Variants in VEGFC observed in about 807,000 individuals in gnomAD.
VEGFC encodes FLT4 ligand DHM.
In VEGFC, 12 loss-of-function variants were observed where a neutral mutation model predicts 46.1. The ratio of observed to expected loss-of-function variants is 0.26; its 90% CI spans 0.17 to 0.42. The LOEUF is 0.42. Ranked by LOEUF, VEGFC falls within the 10% of genes least tolerant of loss-of-function variation. The pLI, the probability that VEGFC is intolerant of heterozygous loss-of-function variation, is 1.00. For missense variants in VEGFC, 488 were observed against 529.4 expected (o/e 0.92, Z 0.77); for synonymous variants, 232 against 195.5 (o/e 1.19, Z -1.56).
intron 4 of VEGFC, among the ~76,000 whole-genome samples, chr4:176,707,415 G>A (rs1326798594): frequency 6.6e-6 from 1 of 152,066 alleles, no homozygotes; most frequent in African/African-American, 2.4e-5. Context: ...ATAGTCACAT[G>A]TCCATCATAT....
rs548921728 is a variant in VEGFC, at chr4:176,737,377, C to T, written c.148-7631G>A. ...ATTATAAATATAGCATATTTTCCAA[C>T]AAACGTTATAATATAATCTCTTTTT... is the stretch of plus-strand genomic sequence containing the variant. On this transcript the variant is annotated intron_variant, in intron 1 of 6. Transcript: ENST00000618562. Among the ~76,000 whole-genome samples, 3 of 144,106 alleles carry T rather than the reference C, an allele frequency of 2.1e-5. No individual in the cohort carries two copies. The Admixed American group carries it at 2.1e-4, about 10-fold the overall frequency. 94.5% of individuals were successfully genotyped at this position (144,106 alleles called of 152,430 possible). A position where few individuals can be genotyped will look rare whatever the true frequency, so the allele number is the denominator to read the frequency against.
At chr4:176,775,259 A>C (rs932547941) in intron 1 of VEGFC, among the ~76,000 whole-genome samples, 2 of 152,230 alleles carry the variant, frequency 1.3e-5, no homozygotes, top group Non-Finnish European at 2.9e-5. Flanking sequence ...ACTGAGAAAA[A>C]AAAAGTAATG....
chr4:176,782,753 T>TA (rs1282784745), intron 1 of VEGFC, among the ~76,000 whole-genome samples: 7 of 152,174 alleles, frequency 4.6e-5, no homozygotes, highest in Admixed American at 2.0e-4. Flanking sequence ...TTAATGTACT[T>TA]ACATACTACC....
At chr4:176,725,083 T>C (rs1579107524) in intron 3 of VEGFC, among the ~76,000 whole-genome samples, 1 of 152,158 alleles carries the variant, frequency 6.6e-6, no homozygotes, top group African/African-American at 2.4e-5. Flanking sequence ...TTGTTCCCAA[T>C]AGAAAGAAAA....
intron 3 of VEGFC, among the ~76,000 whole-genome samples, chr4:176,720,830 T>G (rs1397620041): frequency 4.6e-5 from 5 of 108,882 alleles, no homozygotes; most frequent in Admixed American, 1.3e-4. Context: ...GCAACAAGAG[T>G]GAGACTCCAT....
At chr4:176,744,332 C>T (rs1735224809) in intron 1 of VEGFC, among the ~76,000 whole-genome samples, 1 of 151,884 alleles carries the variant, frequency 6.6e-6, no homozygotes, top group African/African-American at 2.4e-5. Context: ...GAATTCAGGG[C>T]AGCAGGTACA....
chr4:176,741,099 G>A (rs1735166257), intron 1 of VEGFC, among the ~76,000 whole-genome samples: 1 of 151,870 alleles, frequency 6.6e-6, no homozygotes, highest in Admixed American at 6.6e-5. Flanking sequence ...GTTGCCACAT[G>A]GAAGAGTCCA....
chr4:176,683,904 T>A lies in VEGFC; in HGVS notation c.*22A>T, dbSNP rs763916413. 6.3e-7 allele frequency: 1 copy of A among 1,589,250 alleles called. No individual in the cohort carries two copies. Among genetic ancestry groups the A allele is most frequent in the Admixed American group, 1.7e-5 (1 of 59,982 alleles). On this transcript the variant is annotated 3_prime_UTR_variant, in exon 7 of 7. Transcript: ENST00000618562. ...ACAGTTTTCCATAATAGAAAATCGATGAACTGGAAAACAGTACAATCTTAG... is the reference window on the plus strand; with the variant it reads ...ACAGTTTTCCATAATAGAAAATCGAAGAACTGGAAAACAGTACAATCTTAG...
chr4:176,777,530 A>C (rs967582728), intron 1 of VEGFC, among the ~76,000 whole-genome samples: 4 of 152,214 alleles, frequency 2.6e-5, no homozygotes, highest in African/African-American at 9.6e-5. Flanking sequence ...TGTTTTCCTC[A>C]GATTTTATAT....
At chr4:176,790,370 C>T (rs755431998) in intron 1 of VEGFC, among the ~76,000 whole-genome samples, 37 of 152,088 alleles carry the variant, frequency 2.4e-4, no homozygotes, top group Non-Finnish European at 4.4e-4. Flanking sequence ...ATATGAAAAG[C>T]GACATTTGCA....
chr4:176,694,330 C>A (rs1158375515), intron 4 of VEGFC, among the ~76,000 whole-genome samples: 1 of 151,986 alleles, frequency 6.6e-6, no homozygotes, highest in East Asian at 1.9e-4. Context: ...GGTTGTAATC[C>A]TAGTCTCTGA....
chr4:176,740,277 CTATATAGAGTA>C (rs1735143683), intron 1 of VEGFC, among the ~76,000 whole-genome samples: 1 of 114,034 alleles, frequency 8.8e-6, no homozygotes, highest in Non-Finnish European at 1.7e-5. Context: ...TATATATTCT[CTATATAGAGTA>C]TATATCTATA....
chr4:176,718,154 T>G (rs1213409522), intron 3 of VEGFC, among the ~76,000 whole-genome samples: 3 of 152,122 alleles, frequency 2.0e-5, no homozygotes, highest in Non-Finnish European at 4.4e-5. Context: ...ATGTTATTCT[T>G]AAAGAAAGTT....
At chr4:176,692,896 A>T (rs935012973) in intron 4 of VEGFC, among the ~76,000 whole-genome samples, 10 of 147,260 alleles carry the variant, frequency 6.8e-5, no homozygotes, top group South Asian at 2.1e-4. Flanking sequence ...GGGTATTCCA[A>T]CAGACCTGCA....
intron 1 of VEGFC, among the ~76,000 whole-genome samples, chr4:176,773,483 A>C (rs776459311): frequency 6.6e-6 from 1 of 152,256 alleles, no homozygotes; most frequent in Non-Finnish European, 1.5e-5. Context: ...AACTTATTTT[A>C]CAATTTGATC....
At position 176,687,807 on chromosome 4, in the gene VEGFC, A is replaced by G. The variant is rs1030905543; in HGVS notation, c.811+14T>C. The G allele has an allele frequency of 2.5e-6, 4 of 1,586,300 alleles. No homozygotes were observed. Among genetic ancestry groups the G allele is most frequent in the Admixed American group, 3.4e-5 (2 of 58,884 alleles). The stretch of plus-strand genomic sequence containing the variant: ...ACCCCTGGCGTTTAGTCTTTAAAGC[A>G]TCATTCTGCTTACCATCTCCAGCAT... On this transcript the variant is annotated intron_variant, in intron 5 of 6. Transcript: ENST00000618562.
intron 1 of VEGFC, among the ~76,000 whole-genome samples, chr4:176,765,087 T>C (rs902424582): frequency 6.6e-6 from 1 of 152,098 alleles, no homozygotes; most frequent in African/African-American, 2.4e-5. Flanking sequence ...CTAGTATGTT[T>C]GAGAAAACAG....
intron 1 of VEGFC, among the ~76,000 whole-genome samples, chr4:176,760,936 T>C (rs750425994): frequency 7.2e-5 from 11 of 152,158 alleles, no homozygotes; most frequent in Non-Finnish European, 1.0e-4. Flanking sequence ...CATGGCAAAA[T>C]CATACATAGG....
Position 176,687,277 on chromosome 4 carries a change from G to A in VEGFC, c.1055C>T (p.Pro352Leu), listed in dbSNP as rs1474453574. ...ACAGGCACATTTTCCAGGATTTAGG[G>A]GTTGATTTCTGGGGCAGGTTCTTTT... ...VCKRTCPRNQ[P>L]LNPGKCACEC... The change falls in exon 6 of 7, where the codon CCC (proline) becomes CTC (leucine). Residue 352 changes from proline to leucine, a missense_variant. Physicochemically the swap from Pro to Leu is moderately conservative, Grantham distance 98 (BLOSUM62 -3). Coordinates refer to ENST00000618562, the MANE Select transcript of VEGFC (RefSeq NM_005429.5). 3 of 1,613,946 alleles carry A rather than the reference G, an allele frequency of 1.9e-6. No homozygotes were observed. The highest frequency in any genetic ancestry group is 2.7e-5 in the African/African-American group (2 of 74,872).
Sources: allele counts gnomAD v4.1 joint callset (sites outside exome capture counted in the v4.1 genomes callset), GRCh38; gene constraint gnomAD v4.1.1; transcripts MANE v1.5; gene names NCBI Gene and HGNC (gene_info 2026-07-23, HGNC 2026-07-21).